Variants in MOK observed in about 807,000 individuals in gnomAD.
MOK encodes MOK protein kinase, also known as MAPK/MAK/MRK overlapping kinase.
Under a neutral mutation model 54.2 loss-of-function variants are expected in MOK, and 59 were observed. The observed-to-expected ratio is 1.09, with a 90% CI of 0.88 to 1.35. The LOEUF (loss-of-function observed/expected upper bound fraction) is 1.35. Among genes scored for constraint, MOK ranks in the 40% most tolerant of loss-of-function variants. The pLI is 0.00. For synonymous variants in MOK, 210 were observed against 202.7 expected (o/e 1.04, Z -0.31); for missense variants, 517 against 526.2 (o/e 0.98, Z 0.17).
At chr14:102,248,554 G>A (rs141546087) in intron 7 of MOK, among the ~76,000 whole-genome samples, 1,544 of 152,096 alleles carry the variant, frequency 0.01, 29 homozygotes, top group African/African-American at 0.035. Flanking sequence ...TGAGGCGGGC[G>A]GATCACGAGG....
chr14:102,281,269 A>G (rs1039894089), intron 2 of MOK, among the ~76,000 whole-genome samples: 1 of 151,890 alleles, frequency 6.6e-6, no homozygotes, highest in Non-Finnish European at 1.5e-5. Flanking sequence ...GGTTGCAGTG[A>G]GCCAAGATCA....
At chr14:102,222,987 G>A (rs2064092804), downstream of MOK, 16 of 1,423,534 alleles carry the variant, frequency 1.1e-5, no homozygotes, top group Non-Finnish European at 1.6e-5. This position sits in a 1 kb window ranked among gnomAD's most constrained non-coding sequence, Gnocchi z 4.4. Context: ...CGGACCTCAG[G>A]CGGTGGACGT....
At chr14:102,259,952 C>A (rs577518378) in intron 4 of MOK, among the ~76,000 whole-genome samples, 1 of 152,020 alleles carries the variant, frequency 6.6e-6, no homozygotes, top group South Asian at 2.1e-4. Context: ...CCAAGGTGGG[C>A]GGATCACCTG....
At chr14:102,283,884 G>C (rs937242798) in intron 1 of MOK, among the ~76,000 whole-genome samples, 3 of 152,158 alleles carry the variant, frequency 2.0e-5, no homozygotes, top group African/African-American at 7.2e-5. Context: ...TAGAGGAGCA[G>C]CAGACGTGGG....
At chr14:102,266,993 G>A (rs1176850834) in intron 2 of MOK, among the ~76,000 whole-genome samples, 1 of 152,210 alleles carries the variant, frequency 6.6e-6, no homozygotes, top group East Asian at 1.9e-4. Context: ...CCAAAACAGT[G>A]CAATCAGGCC....
In MOK at chr14:102,245,218, C is replaced by A. The variant is rs1449023931; in HGVS notation, c.590+5594G>T. Among the ~76,000 whole-genome samples the A allele has an allele frequency of 6.6e-6, 1 of 152,028 alleles. No homozygotes were observed. The highest frequency in any genetic ancestry group is 1.5e-5 in the Non-Finnish European group (1 of 68,022). On this transcript the variant is annotated intron_variant, in intron 7 of 11. Coordinates refer to ENST00000361847, the MANE Select transcript of MOK (RefSeq NM_014226.3). The surrounding 1 kb of genome is among the most constrained non-coding windows in gnomAD (Gnocchi z 4.3). The stretch of plus-strand genomic sequence containing the variant: ...GAACCCCACAATACCACCCATTACC[C>A]CAAAATCTTCCTTCAGCTGAATCTC...
At chr14:102,298,349 C>T (rs1214074350) in intron 1 of MOK, among the ~76,000 whole-genome samples, 1 of 152,168 alleles carries the variant, frequency 6.6e-6, no homozygotes, top group Admixed American at 6.5e-5. Context: ...CTGTGTCTAG[C>T]TCAAAGTTTG....
At position 102,229,066 on chromosome 14, in the gene MOK, C is replaced by G; in HGVS notation, c.*223G>C. 2.0e-6 allele frequency: 1 copy of G among 510,048 alleles called. No individual in the cohort carries two copies. Among genetic ancestry groups the G allele is most frequent in the Non-Finnish European group, 3.4e-6 (1 of 293,132 alleles). 31.6% of individuals were successfully genotyped at this position (510,048 alleles called of 1,614,324 possible). On this transcript the variant is annotated 3_prime_UTR_variant, in exon 12 of 12. Coordinates refer to ENST00000361847, the MANE Select transcript of MOK (RefSeq NM_014226.3). ...TTCTTAACGAAAATGAAAGAAAACC[C>G]TAGAATGCGGTGGTTTTACAAGTAT...
intron 2 of MOK, among the ~76,000 whole-genome samples, chr14:102,272,476 C>T (rs939501425): frequency 2.7e-5 from 4 of 147,374 alleles, no homozygotes; most frequent in South Asian, 2.1e-4. Context: ...GACTCCATCA[C>T]GAAAAAAAAA....
chr14:102,226,094 C>G, downstream of MOK: 1 of 563,232 alleles, frequency 1.8e-6, no homozygotes, highest in South Asian at 2.1e-5. The surrounding 1 kb of genome is among the most constrained non-coding windows in gnomAD (Gnocchi z 4.8). Flanking sequence ...CACGGTCGCA[C>G]TGCTGCCGCC....
chr14:102,260,782 C>T (rs1477574517), intron 4 of MOK: 1 of 152,104 alleles, frequency 6.6e-6, no homozygotes, highest in African/African-American at 2.4e-5. Context: ...TTCAATTATA[C>T]AATTCCTCTA....
At chr14:102,262,139 C>T (rs748205692) in intron 4 of MOK, among the ~76,000 whole-genome samples, 1 of 149,968 alleles carries the variant, frequency 6.7e-6, no homozygotes, top group Admixed American at 6.6e-5. Flanking sequence ...CCGCGCCCAG[C>T]CCCTGGCCTT....
In MOK at chr14:102,264,957, G is replaced by C. The variant is rs560860495; in HGVS notation, c.212+866C>G. On this transcript the variant is annotated intron_variant, in intron 3 of 11. Transcript: ENST00000361847. ...CTGACTCCCTGGTTCAGTGAGGTCTGTAAGCACAGCACAGAGCTGTCAGGA... is the reference window on the plus strand; with the variant it reads ...CTGACTCCCTGGTTCAGTGAGGTCTCTAAGCACAGCACAGAGCTGTCAGGA... Among the ~76,000 whole-genome samples the C allele has an allele frequency of 1.3e-4, 20 of 152,338 alleles. 1 individual carries two copies. The South Asian group carries it at 4.1e-3, about 32-fold the overall frequency.
chr14:102,237,410 C>A (rs116625242), intron 7 of MOK, among the ~76,000 whole-genome samples: 2,199 of 152,304 alleles, frequency 0.014, 52 homozygotes, highest in African/African-American at 0.05. Context: ...CGGGCTATGA[C>A]CCCTGCCCTA....
At chr14:102,228,800 G>A (rs1009300021), downstream of MOK, 1 of 155,064 alleles carries the variant, frequency 6.4e-6, no homozygotes. Flanking sequence ...TGGCTGGTAA[G>A]GACACATGTT....
downstream of MOK, chr14:102,226,076 T>G: frequency 5.6e-6 from 3 of 533,494 alleles, no homozygotes; most frequent in Non-Finnish European, 1.0e-5. The surrounding 1 kb of genome is among the most constrained non-coding windows in gnomAD (Gnocchi z 4.8). Context: ...GCAGAGCAGA[T>G]GGGAGGTCAC....
At chr14:102,261,669 G>A (rs555450257) in intron 4 of MOK, among the ~76,000 whole-genome samples, 2 of 149,770 alleles carry the variant, frequency 1.3e-5, no homozygotes, top group African/African-American at 4.9e-5. Context: ...AAGTAGTTTG[G>A]ACTACAGACA....
intron 2 of MOK, chr14:102,280,884 G>T (rs2069344604): frequency 6.6e-6 from 1 of 152,224 alleles, no homozygotes; most frequent in South Asian, 2.1e-4. Context: ...CTAGAGAACT[G>T]CTCCTTAGAA....
At chr14:102,248,575 A>G (rs1207441556) in intron 7 of MOK, among the ~76,000 whole-genome samples, 1 of 151,924 alleles carries the variant, frequency 6.6e-6, no homozygotes, top group Non-Finnish European at 1.5e-5. Context: ...TCAGGAGATC[A>G]AGACCATCCT....
Sources: allele counts gnomAD v4.1 joint callset (sites outside exome capture counted in the v4.1 genomes callset), GRCh38; gene constraint gnomAD v4.1.1; non-coding constraint Gnocchi (gnomAD v3.1); transcripts MANE v1.5; gene names NCBI Gene and HGNC (gene_info 2026-07-23, HGNC 2026-07-21).